Variants in KIAA0825 observed in about 807,000 individuals in gnomAD.
The protein encoded by KIAA0825 is uncharacterized protein KIAA0825.
Under a neutral mutation model 147.6 loss-of-function variants are expected in KIAA0825, and 119 were observed. That is an observed-to-expected ratio of 0.81 (90% CI 0.69 to 0.94). KIAA0825 has a LOEUF of 0.94. Ranked by LOEUF, KIAA0825 falls within the 40% of genes least tolerant of loss-of-function variation. The pLI, the probability that KIAA0825 is intolerant of heterozygous loss-of-function variation, is 0.00. For missense variants in KIAA0825, 1,381 were observed against 1,472.7 expected, an observed-to-expected ratio of 0.94 and a Z score of 1.02; for synonymous variants, 470 against 518.1, an observed-to-expected ratio of 0.91 and a Z score of 1.26.
intron 20 of KIAA0825, among the ~76,000 whole-genome samples, chr5:94,338,600 T>A (rs566041783): frequency 2.0e-5 from 3 of 152,296 alleles, no homozygotes; most frequent in African/African-American, 7.2e-5. Flanking sequence ...TACTGTTTAG[T>A]TATGTTTGGA....
chr5:94,198,588 G>C, intron 20 of KIAA0825, among the ~76,000 whole-genome samples: 1 of 151,958 alleles, frequency 6.6e-6, no homozygotes, highest in Admixed American at 6.6e-5. Flanking sequence ...TCACACACTG[G>C]GGCCTGTCAG....
chr5:94,352,600 C>T (rs1053066243), intron 20 of KIAA0825, among the ~76,000 whole-genome samples: 2 of 152,112 alleles, frequency 1.3e-5, no homozygotes, highest in Non-Finnish European at 2.9e-5. Flanking sequence ...AGTCATTATT[C>T]GAAAAAGACA....
At chr5:94,465,136 G>T in intron 10 of KIAA0825, 77 bp from the exon 11 acceptor site, 5 of 1,361,416 alleles carry the variant, frequency 3.7e-6, no homozygotes, top group Non-Finnish European at 5.0e-6. Context: ...AACGTAATTA[G>T]TTCAGGCTGA....
At chr5:94,418,940 T>C (rs777451077) in intron 14 of KIAA0825, among the ~76,000 whole-genome samples, 2 of 152,088 alleles carry the variant, frequency 1.3e-5, no homozygotes, top group African/African-American at 4.8e-5. Flanking sequence ...TTCAGTGGCA[T>C]GATTATAGCT....
intron 20 of KIAA0825, among the ~76,000 whole-genome samples, chr5:94,328,248 AAATT>A (rs533021908): frequency 5.1e-4 from 78 of 152,296 alleles, no homozygotes; most frequent in Non-Finnish European, 7.1e-4. Flanking sequence ...CAGAACATAA[AAATT>A]AATCTTGCAG....
At chr5:94,309,883 A>G (rs1779007268) in intron 20 of KIAA0825, among the ~76,000 whole-genome samples, 1 of 151,636 alleles carries the variant, frequency 6.6e-6, no homozygotes, top group African/African-American at 2.4e-5. Context: ...GGATGCCTTT[A>G]GGATTCTATT....
chr5:94,553,712 G>A (rs376650765), intron 2 of KIAA0825, among the ~76,000 whole-genome samples: 4 of 150,900 alleles, frequency 2.7e-5, no homozygotes, highest in East Asian at 3.9e-4. Context: ...GCTGCCGTGC[G>A]CCAAGATCGC....
In KIAA0825 at chr5:94,294,810, C is replaced by T. The variant is rs1778063219; in HGVS notation, c.3710+89558G>A. 2.6e-5 allele frequency among the ~76,000 whole-genome samples: 4 copies of T among 152,194 alleles called. No individual in the cohort carries two copies. In the South Asian group the frequency reaches 8.3e-4, roughly 31 times the overall value. ...GATTCACTGTTAGTCTGATGGGCTT[C>T]CCTTTGTGGGTAACCCAACCTTTCT... On this transcript the variant is annotated intron_variant, in intron 20 of 20. Transcript: ENST00000682413.
At chr5:94,427,173 G>A (rs1407339213) in intron 14 of KIAA0825, among the ~76,000 whole-genome samples, 1 of 152,174 alleles carries the variant, frequency 6.6e-6, no homozygotes, top group Non-Finnish European at 1.5e-5. Flanking sequence ...GTAAGTATAA[G>A]TAGGTGTCAG....
In KIAA0825 at chr5:94,154,097, T is replaced by C. The variant is rs1411383734; in HGVS notation, c.3738A>G (p.Leu1246=). 6.4e-7 allele frequency: 1 copy of C among 1,551,432 alleles called. No individual in the cohort carries two copies. Among genetic ancestry groups the C allele is most frequent in the South Asian group, 1.2e-5 (1 of 84,056 alleles). ...CCAGTATTGCTTTTTCTTCCTCTTC[T>C]AGTGTTTCATCCTTCTTCATTTCCC... ...NRWEMKKDET[L]EEEEKAILEH... Residue 1246 remains leucine, a synonymous_variant, in exon 21 of 21, where the codon CTA becomes CTG. Transcript: ENST00000682413.
At chr5:94,256,272 G>A (rs1484063763) in intron 20 of KIAA0825, among the ~76,000 whole-genome samples, 3 of 152,124 alleles carry the variant, frequency 2.0e-5, no homozygotes, top group African/African-American at 7.2e-5. Context: ...TTTTAATGCA[G>A]TCATCTCTTT....
At chr5:94,566,616 G>GA (rs1298219849) in intron 2 of KIAA0825, among the ~76,000 whole-genome samples, 1 of 151,748 alleles carries the variant, frequency 6.6e-6, no homozygotes, top group Non-Finnish European at 1.5e-5. Context: ...GATATTTCTT[G>GA]AAAAATGCAT....
intron 20 of KIAA0825, among the ~76,000 whole-genome samples, chr5:94,192,906 A>G (rs1232432519): frequency 6.6e-6 from 1 of 152,168 alleles, no homozygotes; most frequent in Non-Finnish European, 1.5e-5. Context: ...GCTATAACAC[A>G]TACATTTCTA....
intron 2 of KIAA0825, among the ~76,000 whole-genome samples, chr5:94,560,871 T>C (rs1777437048): frequency 1.3e-5 from 2 of 152,348 alleles, no homozygotes; most frequent in South Asian, 2.1e-4. Context: ...CACGCACATA[T>C]ACACACATTT....
chr5:94,484,796 A>C lies in KIAA0825; in HGVS notation c.1105T>G (p.Ser369Ala), dbSNP rs1201381176. The part of the protein sequence containing the change: ...VQELFDEILL[S>A]LKITRDTSGI... The stretch of plus-strand genomic sequence containing the variant: ...GAAGTATCCCTGGTTATCTTGAGTG[A>C]TAAAAGTATTTCGTCAAACAATTCT... The change falls in exon 6 of 21, where the codon TCA becomes GCA. Residue 369 changes from serine (S) to alanine (A), a missense_variant. By Grantham distance (99) the Ser-to-Ala change is moderately conservative. Coordinates refer to ENST00000682413, the MANE Select transcript of KIAA0825 (RefSeq NM_001145678.3). 1 of 1,505,052 alleles carries C rather than the reference A, an allele frequency of 6.6e-7. No homozygotes were observed. Among genetic ancestry groups the C allele is most frequent in the Non-Finnish European group, 9.0e-7 (1 of 1,116,858 alleles). 93.2% of individuals were successfully genotyped at this position (1,505,052 alleles called of 1,614,324 possible). A position where few individuals can be genotyped will look rare whatever the true frequency, so the allele number is the denominator to read the frequency against.
At chr5:94,316,816 C>T (rs189856653) in intron 20 of KIAA0825, among the ~76,000 whole-genome samples, 134 of 151,650 alleles carry the variant, frequency 8.8e-4, no homozygotes, top group African/African-American at 2.9e-3. Flanking sequence ...TTCATACTTA[C>T]GCACAAAAAC....
At chr5:94,593,805 G>A (rs931732849) in intron 1 of KIAA0825, 9 of 331,284 alleles carry the variant, frequency 2.7e-5, no homozygotes, top group Admixed American at 2.2e-4. Context: ...GTGAAACTTG[G>A]AGAATTATTG....
chr5:94,153,949 T>A lies in KIAA0825; in HGVS notation c.*58A>T. On this transcript the variant is annotated 3_prime_UTR_variant, in exon 21 of 21. Coordinates refer to ENST00000682413, the MANE Select transcript of KIAA0825 (RefSeq NM_001145678.3). ...GGTTCATTCTGACTATGGTAAAAAA[T>A]CCTACTCCATTACATGGGATTGTTT... 8.3e-7 allele frequency: 1 copy of A among 1,209,236 alleles called. No homozygotes were observed. Among genetic ancestry groups the A allele is most frequent in the Non-Finnish European group, 1.2e-6 (1 of 836,884 alleles). The allele number at this position is 1,209,236 out of a possible 1,614,324, so 74.9% of individuals were successfully genotyped here.
intron 20 of KIAA0825, among the ~76,000 whole-genome samples, chr5:94,176,419 G>C (rs1291987085): frequency 6.6e-6 from 1 of 151,972 alleles, no homozygotes; most frequent in African/African-American, 2.4e-5. Context: ...AATTACCCAG[G>C]CTCAGGTATT....
Sources: allele counts gnomAD v4.1 joint callset (sites outside exome capture counted in the v4.1 genomes callset), GRCh38; gene constraint gnomAD v4.1.1; transcripts MANE v1.5; gene names NCBI Gene and HGNC (gene_info 2026-07-23, HGNC 2026-07-21).